NPAS3: variants seen among roughly 807,000 people sequenced by gnomAD.
NPAS3 encodes the protein neuronal PAS domain-containing protein 3.
Under a neutral mutation model 73.1 loss-of-function variants are expected in NPAS3, and 14 were observed. That is an observed-to-expected ratio of 0.19 (90% CI 0.13 to 0.30). NPAS3 has a LOEUF of 0.30. NPAS3 is among the 10% of genes least tolerant of loss of function. The probability of loss-of-function intolerance (pLI) is 1.00; values close to 1 mark genes in which losing one functional copy is unlikely to be tolerated. For missense variants in NPAS3, 1,096 were observed against 1,250.0 expected (o/e 0.88, Z 1.86); for synonymous variants, 620 against 541.5 (o/e 1.14, Z -2.01).
At chr14:33,215,493 A>G (rs756697974) in intron 3 of NPAS3, 67 bp downstream of exon 3, 2 of 1,538,250 alleles carry the variant, frequency 1.3e-6, no homozygotes, top group Non-Finnish European at 1.8e-6. Context: ...CAAAATGTTT[A>G]CCATCATCCT....
intron 3 of NPAS3, among the ~76,000 whole-genome samples, chr14:33,235,054 A>T (rs976582230): frequency 1.1e-4 from 17 of 152,142 alleles, no homozygotes; most frequent in African/African-American, 3.9e-4. Flanking sequence ...CAATGTGTAA[A>T]TGAAGGACTA....
chr14:33,787,466 AG>A (rs575680846), intron 9 of NPAS3, among the ~76,000 whole-genome samples: 1 of 146,208 alleles, frequency 6.8e-6, no homozygotes. Context: ...TTAGCGTATT[AG>A]GGGGGAAAAT....
intron 2 of NPAS3, among the ~76,000 whole-genome samples, chr14:33,135,969 A>G (rs1472574197): frequency 6.6e-6 from 1 of 152,006 alleles, no homozygotes; most frequent in Admixed American, 6.6e-5. Flanking sequence ...AGGTTGTCTT[A>G]TGTAATAAAA....
intron 9 of NPAS3, among the ~76,000 whole-genome samples, chr14:33,779,246 C>G (rs984558453): frequency 6.6e-6 from 1 of 152,208 alleles, no homozygotes; most frequent in Non-Finnish European, 1.5e-5. Context: ...GTGAGCAAAG[C>G]AGGAGCATCA....
intron 4 of NPAS3, among the ~76,000 whole-genome samples, chr14:33,497,171 A>G (rs1377747096): frequency 6.6e-6 from 1 of 152,204 alleles, no homozygotes; most frequent in Non-Finnish European, 1.5e-5. Context: ...AAGGAGAACT[A>G]CAAACCACCG....
chr14:33,159,992 T>A (rs1056300446), intron 2 of NPAS3, among the ~76,000 whole-genome samples: 3 of 152,204 alleles, frequency 2.0e-5, no homozygotes, highest in African/African-American at 7.2e-5. Context: ...ACTCAACAAA[T>A]TTAAATTTTT....
chr14:33,099,210 G>C (rs2042512276), intron 2 of NPAS3, among the ~76,000 whole-genome samples: 1 of 152,152 alleles, frequency 6.6e-6, no homozygotes, highest in South Asian at 2.1e-4. Context: ...TGACTGCTCA[G>C]CTTTAGCAAA....
At chr14:33,675,828 T>C (rs945305153) in intron 5 of NPAS3, among the ~76,000 whole-genome samples, 1 of 152,174 alleles carries the variant, frequency 6.6e-6, no homozygotes, top group Non-Finnish European at 1.5e-5. Context: ...AAACCCAAAC[T>C]TCTCAATAAG....
intron 4 of NPAS3, among the ~76,000 whole-genome samples, chr14:33,469,594 T>C (rs1235466842): frequency 6.6e-6 from 1 of 152,186 alleles, no homozygotes; most frequent in Non-Finnish European, 1.5e-5. Flanking sequence ...TGGGAACTAG[T>C]TATTCTAGGA....
chr14:33,444,973 G>C (rs571141185), intron 4 of NPAS3, among the ~76,000 whole-genome samples: 1 of 152,328 alleles, frequency 6.6e-6, no homozygotes, highest in South Asian at 2.1e-4. Flanking sequence ...ACCATGCTAT[G>C]ATCTTCTCTC....
At chr14:33,559,710 G>A (rs1379340524) in intron 4 of NPAS3, among the ~76,000 whole-genome samples, 2 of 152,178 alleles carry the variant, frequency 1.3e-5, no homozygotes, top group African/African-American at 4.8e-5. Context: ...GTTAAACATG[G>A]AGAAAAGACG....
intron 5 of NPAS3, chr14:33,612,688 C>T (rs2057789035): frequency 2.6e-5 from 9 of 348,176 alleles, no homozygotes; most frequent in South Asian, 1.8e-4. Flanking sequence ...GCAAACTTTA[C>T]ATTTGTGAAA....
chr14:33,092,643 A>T (rs1486822367), intron 2 of NPAS3, among the ~76,000 whole-genome samples: 1 of 152,242 alleles, frequency 6.6e-6, no homozygotes, highest in Non-Finnish European at 1.5e-5. Context: ...GGAACCTAAA[A>T]AGAGCCCGCA....
rs541724210 is a variant in NPAS3, at chr14:33,523,298, A to G, written c.469-36823A>G. On this transcript the variant is annotated intron_variant, in intron 4 of 11. Coordinates refer to ENST00000356141, the Ensembl canonical transcript of NPAS3. ...CAGCATGACTCAAGGCACAGGGACC[A>G]AACATCTTAGGAATAGTTATCTGAC... Among the ~76,000 whole-genome samples the G allele has an allele frequency of 2.6e-5, 4 of 152,202 alleles. No homozygotes were observed. In the East Asian group the frequency reaches 5.8e-4, roughly 22 times the overall value.
intron 3 of NPAS3, among the ~76,000 whole-genome samples, chr14:33,233,125 A>C (rs2139784905): frequency 6.6e-6 from 1 of 152,306 alleles, no homozygotes; most frequent in Non-Finnish European, 1.5e-5. Context: ...ATGACTGATC[A>C]AGTATTTGAT....
intron 1 of NPAS3, among the ~76,000 whole-genome samples, chr14:32,961,252 A>T (rs2036901841): frequency 6.6e-6 from 1 of 151,922 alleles, no homozygotes; most frequent in Non-Finnish European, 1.5e-5. Flanking sequence ...TCTCCACTAA[A>T]ATACAAAAAA....
intron 3 of NPAS3, among the ~76,000 whole-genome samples, chr14:33,317,741 A>G (rs1016124124): frequency 1.1e-4 from 16 of 151,976 alleles, no homozygotes; most frequent in Non-Finnish European, 4.4e-5. Context: ...GCCATGCTAA[A>G]CTGTGAGTCA....
intron 5 of NPAS3, among the ~76,000 whole-genome samples, chr14:33,632,806 T>C (rs1427561843): frequency 6.6e-6 from 1 of 152,188 alleles, no homozygotes; most frequent in Admixed American, 6.5e-5. Flanking sequence ...AAAACTGCCC[T>C]CAAGAGATGA....
chr14:33,114,227 G>T (rs983725501), intron 2 of NPAS3, among the ~76,000 whole-genome samples: 13 of 152,022 alleles, frequency 8.6e-5, no homozygotes, highest in African/African-American at 2.9e-4. Context: ...GTAGAGATGG[G>T]TTTTTGCCAT....
Sources: allele counts gnomAD v4.1 joint callset (sites outside exome capture counted in the v4.1 genomes callset), GRCh38; gene constraint gnomAD v4.1.1; transcripts MANE v1.5; gene names NCBI Gene and HGNC (gene_info 2026-07-23, HGNC 2026-07-21).